The following CENPP variants were observed in gnomAD, a reference collection of about 807,000 sequenced individuals.
CENPP encodes the protein centromere protein P.
In CENPP, 24 loss-of-function variants were observed where a neutral mutation model predicts 35.6. That is an observed-to-expected ratio of 0.67 (90% CI 0.49 to 0.95). The LOEUF (loss-of-function observed/expected upper bound fraction) is 0.95. CENPP is among the 40% of genes least tolerant of loss of function. The pLI is 0.00. For synonymous variants in CENPP, 120 were observed against 125.5 expected (o/e 0.96, Z 0.29); for missense variants, 332 against 345.3 (o/e 0.96, Z 0.31).
intron 5 of CENPP, among the ~76,000 whole-genome samples, chr9:92,429,736 G>A (rs148113425): frequency 0.031 from 4,713 of 152,134 alleles, 114 homozygotes; most frequent in South Asian, 0.084. Context: ...GCAGTGAGCC[G>A]AGATTGCACC....
In CENPP at chr9:92,476,817, T is replaced by C; in HGVS notation, c.564+96958T>C. ...TACCAAATATAAATGGAGCCAGAGC[T>C]AGGGCTCATGTGTCCCAACTCCCTG... On this transcript the variant is annotated intron_variant, in intron 5 of 7. Coordinates refer to ENST00000375587, the MANE Select transcript of CENPP (RefSeq NM_001012267.3). This position sits in a 1 kb window ranked among gnomAD's most constrained non-coding sequence, Gnocchi z 4.1. Among the ~76,000 whole-genome samples the C allele has an allele frequency of 6.6e-6, 1 of 152,182 alleles. No individual in the cohort carries two copies. Among genetic ancestry groups the C allele is most frequent in the Non-Finnish European group, 1.5e-5 (1 of 68,032 alleles).
chr9:92,567,403 T>TATATATATAG (rs1554688343), intron 5 of CENPP, among the ~76,000 whole-genome samples: 1 of 138,664 alleles, frequency 7.2e-6, no homozygotes, highest in Non-Finnish European at 1.6e-5. Context: ...TATAGATATA[T>TATATATATAG]ATATAAAGTG....
chr9:92,335,179 CAAAATA>C (rs1347918484), intron 2 of CENPP, among the ~76,000 whole-genome samples: 6 of 151,932 alleles, frequency 3.9e-5, no homozygotes, highest in Non-Finnish European at 1.5e-5. Flanking sequence ...TAAAATAAAA[CAAAATA>C]AAAATCAGTG....
In CENPP at chr9:92,367,108, G is replaced by A. The variant is rs1841905885; in HGVS notation, c.468-12655G>A. On this transcript the variant is annotated intron_variant, in intron 4 of 7. Transcript: ENST00000375587. ...TCTAAAATCAAAGCTAGATTAATAA[G>A]ACAAAAGTTGTTGTTAATGAGGCAG... Among the ~76,000 whole-genome samples, 7 of 152,236 alleles carry A rather than the reference G, an allele frequency of 4.6e-5. No individual in the cohort carries two copies. The South Asian group carries it at 1.5e-3, about 32-fold the overall frequency.
rs1260769443 is a variant in CENPP at position 92,476,181 on chromosome 9, C to G, written c.564+96322C>G. Among the ~76,000 whole-genome samples the G allele has an allele frequency of 1.3e-5, 2 of 152,090 alleles. No individual in the cohort carries two copies. Among genetic ancestry groups the G allele is most frequent in the Non-Finnish European group, 2.9e-5 (2 of 68,026 alleles). ...ATAGTCCTCCAGGCCTGCCATTGCC[C>G]GAGTGCCAGAGAGCAGCTGAGCTGC... On this transcript the variant is annotated intron_variant, in intron 5 of 7. Coordinates refer to ENST00000375587, the MANE Select transcript of CENPP (RefSeq NM_001012267.3). The surrounding 1 kb of genome is among the most constrained non-coding windows in gnomAD (Gnocchi z 4.1).
At chr9:92,551,929 A>G (rs62572542) in intron 5 of CENPP, among the ~76,000 whole-genome samples, 2,552 of 50,328 alleles carry the variant, frequency 0.051, 171 homozygotes, top group African/African-American at 0.23. Context: ...GTGTGTGTAT[A>G]TATATATATA....
rs200996729 is a variant in CENPP at position 92,528,469 on chromosome 9, C to G, written c.565-82845C>G. ...GAGATGTGAAGTCTTCCACTGAGTACTGGATAGCACATGTATGTAAGTAAA... is the reference window on the plus strand; with the variant it reads ...GAGATGTGAAGTCTTCCACTGAGTAGTGGATAGCACATGTATGTAAGTAAA... On this transcript the variant is annotated intron_variant, in intron 5 of 7. Transcript: ENST00000375587. Among the ~76,000 whole-genome samples the G allele has an allele frequency of 2.6e-5, 4 of 152,136 alleles. No homozygotes were observed. The East Asian group carries it at 7.7e-4, about 29-fold the overall frequency.
intron 4 of CENPP, among the ~76,000 whole-genome samples, chr9:92,375,442 A>G (rs1189777813): frequency 6.6e-6 from 1 of 151,428 alleles, no homozygotes; most frequent in Non-Finnish European, 1.5e-5. Flanking sequence ...ACAGGCACAC[A>G]CCACCACGCC....
intron 5 of CENPP, among the ~76,000 whole-genome samples, chr9:92,592,729 C>T (rs1399102744): frequency 6.6e-6 from 1 of 152,194 alleles, no homozygotes; most frequent in Non-Finnish European, 1.5e-5. Context: ...CTCTCACCAG[C>T]AGTGTATGAG....
At chr9:92,479,987 A>G (rs190261925) in intron 5 of CENPP, among the ~76,000 whole-genome samples, 1 of 152,352 alleles carries the variant, frequency 6.6e-6, no homozygotes, top group East Asian at 1.9e-4. Context: ...AAGAATGTAG[A>G]GAATATTATA....
intron 5 of CENPP, among the ~76,000 whole-genome samples, chr9:92,509,203 T>C (rs1847189634): frequency 6.6e-6 from 1 of 151,964 alleles, no homozygotes; most frequent in Non-Finnish European, 1.5e-5. Context: ...TGCATCCACA[T>C]GCCGTGGGGT....
intron 5 of CENPP, chr9:92,403,542 A>T (rs1843205543): frequency 7.1e-7 from 1 of 1,400,220 alleles, no homozygotes; most frequent in Non-Finnish European, 9.3e-7. Flanking sequence ...ATGTTTTGGC[A>T]GGGTGTGCGC....
intron 5 of CENPP, chr9:92,404,396 C>T: frequency 1.3e-6 from 1 of 740,854 alleles, no homozygotes; most frequent in Non-Finnish European, 1.9e-6. Flanking sequence ...GTAACTGAAA[C>T]TTAAACCAGA....
At chr9:92,391,346 G>A (rs1016095922) in intron 5 of CENPP, among the ~76,000 whole-genome samples, 3 of 152,140 alleles carry the variant, frequency 2.0e-5, no homozygotes, top group African/African-American at 7.2e-5. Context: ...GGCGGAGCTA[G>A]CAGTGAGCCG....
intron 4 of CENPP, among the ~76,000 whole-genome samples, chr9:92,369,781 C>A (rs1841967833): frequency 6.6e-6 from 1 of 152,188 alleles, no homozygotes; most frequent in South Asian, 2.1e-4. Flanking sequence ...CAAAAAGATA[C>A]AATTTCACCT....
chr9:92,472,970 AAG>A (rs1468958476), intron 5 of CENPP, among the ~76,000 whole-genome samples: 1 of 152,078 alleles, frequency 6.6e-6, no homozygotes, highest in African/African-American at 2.4e-5. Context: ...CTGAGGGAGG[AAG>A]AGTGATAAGT....
intron 5 of CENPP, among the ~76,000 whole-genome samples, chr9:92,532,169 C>G (rs960331635): frequency 1.3e-5 from 2 of 151,246 alleles, no homozygotes; most frequent in Non-Finnish European, 2.9e-5. Flanking sequence ...CTCGAAGATA[C>G]AATTTCTATG....
At chr9:92,483,595 C>A (rs1314074033) in intron 5 of CENPP, among the ~76,000 whole-genome samples, 1 of 152,190 alleles carries the variant, frequency 6.6e-6, no homozygotes, top group African/African-American at 2.4e-5. Context: ...TGGTTCTTCC[C>A]AACTGTTGTA....
intron 4 of CENPP, among the ~76,000 whole-genome samples, chr9:92,372,099 CTTTTTTTTTTTTTTT>C (rs71362382): frequency 4.6e-4 from 14 of 30,688 alleles, no homozygotes; most frequent in African/African-American, 1.4e-3. Context: ...TGCCAGCCAT[CTTTTTTTTTTTTTTT>C]TTTTTTTTTT....
Sources: allele counts gnomAD v4.1 joint callset (sites outside exome capture counted in the v4.1 genomes callset), GRCh38; gene constraint gnomAD v4.1.1; non-coding constraint Gnocchi (gnomAD v3.1); transcripts MANE v1.5; gene names NCBI Gene and HGNC (gene_info 2026-07-23, HGNC 2026-07-21).